Variants in ATRNL1 observed in about 807,000 individuals in gnomAD.
ATRNL1 encodes the protein attractin-like protein 1.
In ATRNL1, 95 loss-of-function variants were observed where a neutral mutation model predicts 182.7. The ratio of observed to expected loss-of-function variants is 0.52; its 90% CI spans 0.44 to 0.62. ATRNL1 has a LOEUF of 0.62. ATRNL1 is among the 20% of genes least tolerant of loss of function. The pLI is 0.00. For synonymous variants in ATRNL1, 576 were observed against 568.3 expected (o/e 1.01, Z -0.19); for missense variants, 1,471 against 1,679.5 (o/e 0.88, Z 2.17).
rs141931984 is a variant in ATRNL1 at position 115,850,040 on chromosome 10, T to C, written c.4018+2049T>C. 7.9e-5 allele frequency among the ~76,000 whole-genome samples: 12 copies of C among 152,296 alleles called. No homozygotes were observed. In the East Asian group the frequency reaches 2.3e-3, roughly 29 times the overall value. Reference sequence around the variant, plus strand: ...ATTCAGAATGAGCTTGTTCTTTGTTTTCTAAAAACAATCTAGTAGATTTTT... The same window carrying C: ...ATTCAGAATGAGCTTGTTCTTTGTTCTCTAAAAACAATCTAGTAGATTTTT... On this transcript the variant is annotated intron_variant, in intron 28 of 28. Transcript: ENST00000355044.
chr10:115,532,188 G>A (rs1445154306), intron 25 of ATRNL1, among the ~76,000 whole-genome samples: 3 of 152,062 alleles, frequency 2.0e-5, no homozygotes, highest in Admixed American at 6.6e-5. Flanking sequence ...AGCTTGATGG[G>A]GATGTCATTG....
rs117012603 is a variant in ATRNL1 at position 115,540,470 on chromosome 10, G to A, written c.3717-8988G>A. ...TAGCACAAGAGAGATGGATTAAAGG[G>A]TACAGTGGAGGCCGGGCATGGTGGC... On this transcript the variant is annotated intron_variant, in intron 25 of 28. Coordinates refer to ENST00000355044, the MANE Select transcript of ATRNL1 (RefSeq NM_207303.4). Among the ~76,000 whole-genome samples the A allele has an allele frequency of 8.0e-3, 1,214 of 152,106 alleles. 8 individuals are homozygous for A. Among genetic ancestry groups the A allele is most frequent in the Non-Finnish European group, 0.014 (939 of 67,978 alleles).
chr10:115,535,826 A>G (rs1391927392), intron 25 of ATRNL1, among the ~76,000 whole-genome samples: 2 of 152,132 alleles, frequency 1.3e-5, no homozygotes, highest in African/African-American at 4.8e-5. Flanking sequence ...TCCTTCTAGC[A>G]GATAGGACCG....
At position 115,363,992 on chromosome 10, in the gene ATRNL1, G is replaced by A. The variant is rs1592526944; in HGVS notation, c.3175+29573G>A. On this transcript the variant is annotated intron_variant, in intron 19 of 28. Coordinates refer to ENST00000355044, the MANE Select transcript of ATRNL1 (RefSeq NM_207303.4). ...TATTCTTTTGGCTTAGGATTGACTT[G>A]GTGATGCGGGCTCTTTTTTGATTCC... Among the ~76,000 whole-genome samples, 3 of 152,156 alleles carry A rather than the reference G, an allele frequency of 2.0e-5. No individual in the cohort carries two copies. The East Asian group carries it at 5.8e-4, about 29-fold the overall frequency.
At chr10:115,500,861 G>C (rs564027765) in intron 24 of ATRNL1, among the ~76,000 whole-genome samples, 1 of 146,172 alleles carries the variant, frequency 6.8e-6, no homozygotes, top group Admixed American at 6.9e-5. Context: ...TTTTTTTTAT[G>C]TAGGCTTTTA....
At chr10:115,409,597 A>G (rs1845032881) in intron 20 of ATRNL1, among the ~76,000 whole-genome samples, 2 of 152,122 alleles carry the variant, frequency 1.3e-5, no homozygotes, top group Admixed American at 1.3e-4. Context: ...GGGACTTTCA[A>G]CACTATGTTG....
intron 22 of ATRNL1, among the ~76,000 whole-genome samples, chr10:115,463,597 C>G (rs1418259704): frequency 6.6e-6 from 1 of 152,026 alleles, no homozygotes; most frequent in Non-Finnish European, 1.5e-5. Flanking sequence ...GTGCAATCAT[C>G]ACCATCATCC....
chr10:115,592,277 A>G (rs2769405), intron 26 of ATRNL1, among the ~76,000 whole-genome samples: 72,409 of 151,968 alleles, frequency 0.48, 18,715 homozygotes, highest in East Asian at 0.84. Flanking sequence ...TGTGCAATAT[A>G]CCCATATAAC....
chr10:115,416,031 A>G (rs1471810621), intron 20 of ATRNL1, among the ~76,000 whole-genome samples: 2 of 152,052 alleles, frequency 1.3e-5, no homozygotes, highest in African/African-American at 2.4e-5. Flanking sequence ...TTATTCTTGT[A>G]TGTTTACTTT....
In ATRNL1 at chr10:115,235,911, T is replaced by C. The variant is rs1850158141; in HGVS notation, c.1533-5660T>C. 2.0e-5 allele frequency among the ~76,000 whole-genome samples: 3 copies of C among 152,194 alleles called. No individual in the cohort carries two copies. The South Asian group carries it at 6.2e-4, about 31-fold the overall frequency. ...TAGAAAGAGTTATTAGTATGATGGTTACTAAGTGCTTATATTTCATTATTC... is the reference window on the plus strand; with the variant it reads ...TAGAAAGAGTTATTAGTATGATGGTCACTAAGTGCTTATATTTCATTATTC... On this transcript the variant is annotated intron_variant, in intron 9 of 28. Coordinates refer to ENST00000355044, the MANE Select transcript of ATRNL1 (RefSeq NM_207303.4).
intron 26 of ATRNL1, among the ~76,000 whole-genome samples, chr10:115,718,217 GTTTCAGGGCAAATGTCA>G (rs1947315468): frequency 6.6e-6 from 1 of 152,164 alleles, no homozygotes; most frequent in African/African-American, 2.4e-5. Flanking sequence ...ACTATTCAGG[GTTTCAGGGCAAATGTCA>G]TTTCTCTTCT....
In ATRNL1 at chr10:115,485,696, T is replaced by G. The variant is rs542737278; in HGVS notation, c.3654+16367T>G. Among the ~76,000 whole-genome samples, 25 of 152,192 alleles carry G rather than the reference T, an allele frequency of 1.6e-4. No individual in the cohort carries two copies. In the East Asian group the frequency reaches 2.7e-3, roughly 17 times the overall value. ...TTTATAAATTATTTTATTGTAAGCATTGCTACAATTATTTGAATCTTCTAG... is the reference window on the plus strand; with the variant it reads ...TTTATAAATTATTTTATTGTAAGCAGTGCTACAATTATTTGAATCTTCTAG... On this transcript the variant is annotated intron_variant, in intron 24 of 28. Transcript: ENST00000355044.
At chr10:115,864,200 A>G (rs1351044654) in intron 28 of ATRNL1, among the ~76,000 whole-genome samples, 5 of 151,872 alleles carry the variant, frequency 3.3e-5, no homozygotes, top group Admixed American at 3.3e-4. Context: ...TTGAGGCTGC[A>G]GTAAGCTGAG....
At chr10:115,369,561 G>T (rs557082295) in intron 19 of ATRNL1, among the ~76,000 whole-genome samples, 2 of 152,218 alleles carry the variant, frequency 1.3e-5, no homozygotes, top group African/African-American at 4.8e-5. Flanking sequence ...TTTGAAAATT[G>T]ATTTCATTTT....
chr10:115,655,500 T>C (rs1304416184), intron 26 of ATRNL1, among the ~76,000 whole-genome samples: 1 of 152,158 alleles, frequency 6.6e-6, no homozygotes, highest in East Asian at 1.9e-4. Context: ...TAAAGTAGAA[T>C]GCAAGATGAT....
At chr10:115,932,168 G>T (rs1555121787) in intron 28 of ATRNL1, among the ~76,000 whole-genome samples, 2 of 152,208 alleles carry the variant, frequency 1.3e-5, no homozygotes, top group African/African-American at 4.8e-5. Flanking sequence ...GATATACTCA[G>T]TCAGATTCTC....
chr10:115,269,583 C>G (rs1851753382), intron 13 of ATRNL1, among the ~76,000 whole-genome samples: 1 of 152,130 alleles, frequency 6.6e-6, no homozygotes. Flanking sequence ...ATGTGCCCAC[C>G]TCAGCCTCCC....
chr10:115,479,084 T>C (rs1592715335), intron 24 of ATRNL1, among the ~76,000 whole-genome samples: 1 of 151,622 alleles, frequency 6.6e-6, no homozygotes, highest in Admixed American at 6.6e-5. Flanking sequence ...ACTAGCATCA[T>C]TGTTGGCAAA....
chr10:115,888,491 A>G (rs1211888521), intron 28 of ATRNL1, among the ~76,000 whole-genome samples: 1 of 152,142 alleles, frequency 6.6e-6, no homozygotes, highest in Non-Finnish European at 1.5e-5. Flanking sequence ...TCCAGATGGA[A>G]TGCCCTTCTC....
Sources: allele counts gnomAD v4.1 joint callset (sites outside exome capture counted in the v4.1 genomes callset), GRCh38; gene constraint gnomAD v4.1.1; transcripts MANE v1.5; gene names NCBI Gene and HGNC (gene_info 2026-07-23, HGNC 2026-07-21).